TENM4: variants seen among roughly 807,000 people sequenced by gnomAD.
The protein encoded by TENM4 is teneurin transmembrane protein 4.
In TENM4, 82 loss-of-function variants were observed where a neutral mutation model predicts 243.3. The observed-to-expected ratio is 0.34, with a 90% CI of 0.28 to 0.40. TENM4 has a LOEUF of 0.40. Among genes scored for constraint, TENM4 ranks in the 10% least tolerant of loss-of-function variants. The pLI is 1.00. For synonymous variants in TENM4, 1,412 were observed against 1,456.3 expected (o/e 0.97, Z 0.69); for missense variants, 3,138 against 3,673.3 (o/e 0.85, Z 3.77).
At chr11:79,070,654 A>G (rs1392429788) in intron 4 of TENM4, among the ~76,000 whole-genome samples, 13 of 152,164 alleles carry the variant, frequency 8.5e-5, no homozygotes, top group Admixed American at 8.5e-4. Flanking sequence ...CCTGGTCTCT[A>G]GCACCTCGAA....
intron 24 of TENM4, among the ~76,000 whole-genome samples, chr11:78,722,239 G>A (rs1344316453): frequency 1.3e-5 from 2 of 152,194 alleles, no homozygotes; most frequent in East Asian, 1.9e-4. Flanking sequence ...GATCTCAAAC[G>A]CCTGGCCTCA....
chr11:78,880,488 A>AG lies in TENM4; in HGVS notation c.1084+9296_1084+9297insC, dbSNP rs1555095341. On this transcript the variant is annotated intron_variant, in intron 9 of 33. Transcript: ENST00000278550. ...AAAAAAAAAAAAAAAAAAAAAAAAA[A>AG]AGAAAGAAAAAATGGCCTGTGAAAA... Among the ~76,000 whole-genome samples the AG allele has an allele frequency of 2.0e-3, 230 of 112,952 alleles. 7 individuals are homozygous for AG. Among genetic ancestry groups the AG allele is most frequent in the Middle Eastern group, 5.8e-3 (1 of 172 alleles). 74.1% of individuals were successfully genotyped at this position (112,952 alleles called of 152,430 possible).
At chr11:78,899,410 C>CA (rs1354939802) in intron 7 of TENM4, among the ~76,000 whole-genome samples, 4 of 151,758 alleles carry the variant, frequency 2.6e-5, no homozygotes. Context: ...CTGATCTCTA[C>CA]AAAAAATAAA....
chr11:78,859,611 A>G (rs756736984), intron 10 of TENM4, among the ~76,000 whole-genome samples: 25 of 152,240 alleles, frequency 1.6e-4, no homozygotes, highest in Non-Finnish European at 2.9e-4. Context: ...ATCTACCTAT[A>G]TAGATTCTAA....
At chr11:79,326,009 G>C (rs1490033298) in intron 1 of TENM4, among the ~76,000 whole-genome samples, 3 of 152,196 alleles carry the variant, frequency 2.0e-5, no homozygotes, top group African/African-American at 7.2e-5. Context: ...TGCGTCTCCT[G>C]TTCCCGCTTT....
At chr11:79,334,508 G>A (rs1857115699) in intron 1 of TENM4, among the ~76,000 whole-genome samples, 1 of 152,068 alleles carries the variant, frequency 6.6e-6, no homozygotes, top group South Asian at 2.1e-4. Context: ...ACCTTTCCAT[G>A]GCTGCCCAGC....
Position 79,130,979 on chromosome 11 carries a change from A to G in TENM4, c.-66+17731T>C, listed in dbSNP as rs1861991859. ...AGAATTAACCTAATCCAACAAAGACAAAGAAAAAATAATAAGAAAATATGA... is the reference window on the plus strand; with the variant it reads ...AGAATTAACCTAATCCAACAAAGACGAAGAAAAAATAATAAGAAAATATGA... On this transcript the variant is annotated intron_variant, in intron 4 of 33. Coordinates refer to ENST00000278550, the MANE Select transcript of TENM4 (RefSeq NM_001098816.3). 3.3e-5 allele frequency among the ~76,000 whole-genome samples: 5 copies of G among 152,180 alleles called. No individual in the cohort carries two copies. In the South Asian group the frequency reaches 1.0e-3, roughly 32 times the overall value.
At chr11:79,200,694 C>T (rs574143243) in intron 3 of TENM4, among the ~76,000 whole-genome samples, 18 of 152,358 alleles carry the variant, frequency 1.2e-4, no homozygotes, top group East Asian at 1.9e-4. Flanking sequence ...CTAGGCTGAT[C>T]GTTCTTGACA....
intron 2 of TENM4, among the ~76,000 whole-genome samples, chr11:79,248,551 C>G (rs1190455355): frequency 5.3e-5 from 8 of 152,148 alleles, no homozygotes; most frequent in Non-Finnish European, 4.4e-5. Flanking sequence ...TGCACATCTT[C>G]CCAAGGATTC....
intron 6 of TENM4, among the ~76,000 whole-genome samples, chr11:78,908,275 A>T (rs943008875): frequency 6.6e-6 from 1 of 152,204 alleles, no homozygotes; most frequent in African/African-American, 2.4e-5. Flanking sequence ...CTGGAGCTTT[A>T]GTTTTCTTAT....
chr11:79,403,773 C>T (rs1858510229), intron 1 of TENM4, among the ~76,000 whole-genome samples: 2 of 152,038 alleles, frequency 1.3e-5, no homozygotes, highest in African/African-American at 2.4e-5. Flanking sequence ...GCACTTCATG[C>T]ATAGAAGCAA....
chr11:78,964,036 CTT>C lies in TENM4; in HGVS notation c.494-60515_494-60514del, dbSNP rs1002218964. ...ACAGGTGTGAGCCACCACACCCAGACTTTTTTTTTTTTTTTTTTTTTCCCCTA... is the reference window on the plus strand; with the variant it reads ...ACAGGTGTGAGCCACCACACCCAGACTTTTTTTTTTTTTTTTTTTCCCCTA... On this transcript the variant is annotated intron_variant, in intron 6 of 33. Coordinates refer to ENST00000278550, the MANE Select transcript of TENM4 (RefSeq NM_001098816.3). Among the ~76,000 whole-genome samples, 1,012 of 109,350 alleles carry C rather than the reference CTT, an allele frequency of 9.3e-3. 11 individuals carry two copies. The highest frequency in any genetic ancestry group is 0.035 in the African/African-American group (956 of 27,362). The allele number at this position is 109,350 out of a possible 152,430, so 71.7% of individuals were successfully genotyped here.
intron 3 of TENM4, among the ~76,000 whole-genome samples, chr11:79,209,424 G>T (rs1204923462): frequency 6.6e-6 from 1 of 152,164 alleles, no homozygotes. Flanking sequence ...AGCAAATCGG[G>T]AACTCCTGGG....
intron 3 of TENM4, among the ~76,000 whole-genome samples, chr11:79,179,049 C>T (rs573653114): frequency 8.5e-5 from 13 of 152,236 alleles, no homozygotes; most frequent in African/African-American, 2.6e-4. Context: ...GGTACAAGGA[C>T]GTCAGTACCT....
chr11:79,431,666 T>A (rs1269968753), intron 1 of TENM4, among the ~76,000 whole-genome samples: 1 of 152,226 alleles, frequency 6.6e-6, no homozygotes, highest in Non-Finnish European at 1.5e-5. Context: ...AATAGCAGCA[T>A]GAATCAGCAT....
chr11:78,929,614 T>C (rs1046762561), intron 6 of TENM4, among the ~76,000 whole-genome samples: 4 of 152,038 alleles, frequency 2.6e-5, no homozygotes, highest in African/African-American at 7.2e-5. Context: ...AAGCTAAGGA[T>C]CAGGGCCCCC....
chr11:78,993,709 A>G (rs1858100543), intron 6 of TENM4, among the ~76,000 whole-genome samples: 1 of 152,162 alleles, frequency 6.6e-6, no homozygotes, highest in Non-Finnish European at 1.5e-5. Context: ...AAGAATTTCA[A>G]TTTGGTTCCA....
Position 78,722,878 on chromosome 11 carries a change from G to C in TENM4, c.3590C>G (p.Ser1197Cys). ...HKGNGENQFVSQQPPVIGSIM... is the reference protein window; with the variant it reads ...HKGNGENQFVCQQPPVIGSIM... ...GCTCCCAATGACAGGAGGCTGCTGA[G>C]ACACAAACTGGTTCTCCCCATTCCC... Residue 1197 changes from serine to cysteine, a missense_variant, in exon 24 of 34, where the codon TCT becomes TGT. Transcript: ENST00000278550. 1 of 1,614,062 alleles carries C rather than the reference G, an allele frequency of 6.2e-7. No individual in the cohort carries two copies. Among genetic ancestry groups the C allele is most frequent in the Non-Finnish European group, 8.5e-7 (1 of 1,179,890 alleles).
At chr11:79,343,593 A>G (rs565677510) in intron 1 of TENM4, among the ~76,000 whole-genome samples, 1 of 152,182 alleles carries the variant, frequency 6.6e-6, no homozygotes, top group African/African-American at 2.4e-5. Context: ...GCCCTGACTC[A>G]CCTTTTTAAA....
Sources: gnomAD v4.1 joint callset for allele counts (sites outside exome capture counted in the v4.1 genomes callset) on GRCh38, gnomAD v4.1.1 for gene constraint, MANE v1.5 for transcripts, NCBI Gene and HGNC (gene_info 2026-07-23, HGNC 2026-07-21) for gene names.